Variants in L3MBTL4 observed in about 807,000 individuals in gnomAD.
L3MBTL4 encodes L3MBTL histone methyl-lysine binding protein 4, also known as lethal(3)malignant brain tumor-like protein 4.
A neutral mutation model predicts 84.5 loss-of-function variants in L3MBTL4; 70 were observed. The observed-to-expected ratio is 0.83, with a 90% CI of 0.68 to 1.01. The LOEUF is 1.01. Ranked by LOEUF, L3MBTL4 falls within the 50% of genes least tolerant of loss-of-function variation. The pLI, the probability that L3MBTL4 is intolerant of heterozygous loss-of-function variation, is 0.00. For missense variants in L3MBTL4, 715 were observed against 754.8 expected, an observed-to-expected ratio of 0.95 and a Z score of 0.62; for synonymous variants, 274 against 259.8, an observed-to-expected ratio of 1.05 and a Z score of -0.52.
intron 13 of L3MBTL4, among the ~76,000 whole-genome samples, chr18:6,149,553 G>T (rs2042802337): frequency 1.3e-5 from 2 of 151,718 alleles, no homozygotes; most frequent in Admixed American, 1.3e-4. Flanking sequence ...TAATCCTTTG[G>T]GTATATACCC....
chr18:6,350,003 GCTTA>G (rs1420248771), intron 1 of L3MBTL4, among the ~76,000 whole-genome samples: 2 of 152,152 alleles, frequency 1.3e-5, no homozygotes, highest in African/African-American at 4.8e-5. Context: ...TTAATAAAAA[GCTTA>G]CTTAAGTTTG....
At chr18:6,369,309 T>C (rs2144152203) in intron 1 of L3MBTL4, among the ~76,000 whole-genome samples, 1 of 151,966 alleles carries the variant, frequency 6.6e-6, no homozygotes, top group African/African-American at 2.4e-5. Context: ...TATAAGAAAG[T>C]AGGTTGAAAG....
intron 10 of L3MBTL4, among the ~76,000 whole-genome samples, chr18:6,234,591 G>A (rs184736540): frequency 3.6e-4 from 55 of 152,296 alleles, no homozygotes; most frequent in African/African-American, 1.3e-3. Context: ...GACCATCAGA[G>A]AAATGCAAAT....
intron 16 of L3MBTL4, among the ~76,000 whole-genome samples, chr18:6,022,054 C>T (rs1221407057): frequency 6.6e-6 from 1 of 152,186 alleles, no homozygotes; most frequent in East Asian, 1.9e-4. Context: ...GGGCCAATTT[C>T]TAATAAACAT....
intron 16 of L3MBTL4, among the ~76,000 whole-genome samples, chr18:6,050,140 T>A (rs557465612): frequency 1.3e-4 from 20 of 152,236 alleles, no homozygotes; most frequent in African/African-American, 3.4e-4. Context: ...AAACTTTTTT[T>A]AAAAAAATTA....
intron 13 of L3MBTL4, among the ~76,000 whole-genome samples, chr18:6,151,947 C>A (rs184684359): frequency 1.3e-5 from 2 of 152,232 alleles, no homozygotes; most frequent in African/African-American, 4.8e-5. Flanking sequence ...ATTAGTTAGA[C>A]TTTTTTAGAT....
chr18:6,369,048 T>TAA (rs34169311), intron 1 of L3MBTL4, among the ~76,000 whole-genome samples: 14,085 of 138,156 alleles, frequency 0.1, 780 homozygotes, highest in African/African-American at 0.14. Context: ...TCTCAAAAAT[T>TAA]AAAAAAAAAA....
At chr18:6,017,027 C>T (rs979443314) in intron 16 of L3MBTL4, among the ~76,000 whole-genome samples, 5 of 146,224 alleles carry the variant, frequency 3.4e-5, no homozygotes, top group African/African-American at 1.3e-4. Context: ...TGGTAAATGG[C>T]CCACCTGAGC....
At chr18:6,262,234 G>A (rs527287912) in intron 5 of L3MBTL4, among the ~76,000 whole-genome samples, 16 of 152,266 alleles carry the variant, frequency 1.1e-4, no homozygotes, top group East Asian at 3.9e-4. Flanking sequence ...GCAGGAAGGC[G>A]CAGCGGGGAA....
chr18:6,225,619 G>A (rs1291731501), intron 10 of L3MBTL4, among the ~76,000 whole-genome samples: 4 of 151,974 alleles, frequency 2.6e-5, no homozygotes, highest in Admixed American at 6.6e-5. Context: ...CATTAACTGG[G>A]TGTGGTCGTA....
chr18:6,156,099 T>C (rs1405759359), intron 13 of L3MBTL4, among the ~76,000 whole-genome samples: 1 of 152,190 alleles, frequency 6.6e-6, no homozygotes, highest in Non-Finnish European at 1.5e-5. Flanking sequence ...TTTGAAAGAA[T>C]AATTGCTATA....
At chr18:6,191,725 A>G (rs2045102827) in intron 12 of L3MBTL4, among the ~76,000 whole-genome samples, 1 of 152,158 alleles carries the variant, frequency 6.6e-6, no homozygotes, top group Admixed American at 6.5e-5. Context: ...GCAGTGGTTC[A>G]CACTTATAAT....
At chr18:6,153,050 G>C (rs1182578544) in intron 13 of L3MBTL4, among the ~76,000 whole-genome samples, 1 of 152,110 alleles carries the variant, frequency 6.6e-6, no homozygotes, top group East Asian at 1.9e-4. Context: ...CATATACATG[G>C]GTTTATTTCT....
intron 13 of L3MBTL4, among the ~76,000 whole-genome samples, chr18:6,146,705 C>T (rs1175220887): frequency 6.6e-6 from 1 of 152,028 alleles, no homozygotes; most frequent in Non-Finnish European, 1.5e-5. Flanking sequence ...GGATTTATGC[C>T]CCAAATGGTA....
intron 14 of L3MBTL4, among the ~76,000 whole-genome samples, chr18:6,126,165 A>G (rs1400097050): frequency 6.6e-6 from 1 of 152,242 alleles, no homozygotes; most frequent in Non-Finnish European, 1.5e-5. Context: ...TTAAAGGCAT[A>G]TAACTTAGTA....
chr18:6,215,764 T>A lies in L3MBTL4; in HGVS notation c.856A>T (p.Lys286Ter). The A allele has an allele frequency of 6.2e-7, 1 of 1,603,184 alleles. No homozygotes were observed. Among genetic ancestry groups the A allele is most frequent in the Non-Finnish European group, 8.5e-7 (1 of 1,175,240 alleles). Residue 286 changes from lysine (K) to a stop codon, truncating the protein, a stop_gained, in exon 11 of 19, where the codon AAA becomes TAA. Transcript: ENST00000317931. LOFTEE classifies it high-confidence loss of function. ...ATAGAACTTACCATTTTAAAAACTT[T>A]GGCAGGAACTGCATTGGTTTGAGTA... Reference protein sequence around the residue: ...EATQTNAVPAKVFKMRLPHGF... With the variant: ...EATQTNAVPA
intron 4 of L3MBTL4, among the ~76,000 whole-genome samples, chr18:6,294,743 G>A (rs577061625): frequency 6.6e-6 from 1 of 152,038 alleles, no homozygotes; most frequent in Admixed American, 6.5e-5. Context: ...ACAAAACAGG[G>A]TACTCAGTCC....
At chr18:6,081,908 A>T (rs1439316798) in intron 15 of L3MBTL4, among the ~76,000 whole-genome samples, 1 of 152,222 alleles carries the variant, frequency 6.6e-6, no homozygotes, top group Admixed American at 6.5e-5. Context: ...AAAAAGCAAG[A>T]AACCGAGAAA....
At chr18:5,990,982 G>A (rs945828441) in intron 16 of L3MBTL4, among the ~76,000 whole-genome samples, 1 of 152,038 alleles carries the variant, frequency 6.6e-6, no homozygotes, top group African/African-American at 2.4e-5. Flanking sequence ...CTCTGATCTC[G>A]TCTCTTGCCC....
Sources: gnomAD v4.1 joint callset for allele counts (sites outside exome capture counted in the v4.1 genomes callset) on GRCh38, gnomAD v4.1.1 for gene constraint, MANE v1.5 for transcripts, NCBI Gene and HGNC (gene_info 2026-07-23, HGNC 2026-07-21) for gene names.